Variants in ZNF253 observed in about 807,000 individuals in gnomAD.
The protein encoded by ZNF253 is DNA-binding protein.
In ZNF253, 8 loss-of-function variants were observed where a neutral mutation model predicts 11.9. The observed-to-expected ratio is 0.67, with a 90% CI of 0.40 to 1.22. ZNF253 has a LOEUF of 1.22. Ranked by LOEUF, ZNF253 falls within the 50% of genes most tolerant of loss-of-function variation. ZNF253 has a pLI of 0.01. For missense variants in ZNF253, 485 were observed against 586.9 expected, an observed-to-expected ratio of 0.83 and a Z score of 1.79; for synonymous variants, 194 against 194.9, an observed-to-expected ratio of 1.00 and a Z score of 0.04.
intron 2 of ZNF253, among the ~76,000 whole-genome samples, chr19:19,878,978 C>A (rs1221531229): frequency 6.6e-6 from 1 of 151,982 alleles, no homozygotes; most frequent in Admixed American, 6.6e-5. Flanking sequence ...ACTGTATGCC[C>A]ACAAATACTA....
At chr19:19,867,110 G>C (rs1410105384) in intron 1 of ZNF253, among the ~76,000 whole-genome samples, 1 of 152,178 alleles carries the variant, frequency 6.6e-6, no homozygotes, top group Non-Finnish European at 1.5e-5. Context: ...GGAGGTCGAG[G>C]TGGATGGATC....
intron 3 of ZNF253, 106 bp from the exon 4 acceptor site, chr19:19,891,368 A>G: frequency 2.2e-6 from 2 of 922,360 alleles, no homozygotes; most frequent in Non-Finnish European, 3.2e-6. Flanking sequence ...GTATTTTGCT[A>G]TGTCATCTTG....
At chr19:19,890,343 C>T (rs549564084) in intron 3 of ZNF253, among the ~76,000 whole-genome samples, 1 of 152,282 alleles carries the variant, frequency 6.6e-6, no homozygotes, top group East Asian at 1.9e-4. Context: ...TCAGCAGACT[C>T]AAACTGTCAT....
At chr19:19,866,294 C>T (rs2063110661) in intron 1 of ZNF253, among the ~76,000 whole-genome samples, 1 of 152,168 alleles carries the variant, frequency 6.6e-6, no homozygotes, top group Non-Finnish European at 1.5e-5. Context: ...AGGGGAGAAT[C>T]CTGACTCGGT....
chr19:19,892,395 T>C lies in ZNF253; in HGVS notation c.1148T>C (p.Leu383Pro). 1 of 1,613,882 alleles carries C rather than the reference T, an allele frequency of 6.2e-7. No individual in the cohort carries two copies. The highest frequency in any genetic ancestry group is 8.5e-7 in the Non-Finnish European group (1 of 1,179,944). Residue 383 changes from leucine (L) to proline (P), a missense_variant, in exon 4 of 4, where the codon CTT becomes CCT. Transcript: ENST00000589717. Reference protein sequence around the residue: ...CGKAFNHSTTLFSHEKIHTGE... With the variant: ...CGKAFNHSTTPFSHEKIHTGE... ...AAAGCTTTTAACCATTCCACAACCCTTTTTTCACATGAGAAAATTCATACT... is the reference window on the plus strand; with the variant it reads ...AAAGCTTTTAACCATTCCACAACCCCTTTTTCACATGAGAAAATTCATACT...
intron 1 of ZNF253, among the ~76,000 whole-genome samples, chr19:19,869,816 T>C (rs966111750): frequency 6.6e-6 from 1 of 151,664 alleles, no homozygotes; most frequent in Non-Finnish European, 1.5e-5. Flanking sequence ...AATACAGGCA[T>C]GCACCACCAT....
At position 19,891,497 on chromosome 19, in the gene ZNF253, G is replaced by C; in HGVS notation, c.250G>C (p.Asp84His). The C allele has an allele frequency of 1.9e-6, 3 of 1,595,548 alleles. No individual in the cohort carries two copies. The highest frequency in any genetic ancestry group is 1.1e-5 in the South Asian group (1 of 88,922). ...PPVMSSHFAQ[D>H]LWPENIQNSF... The stretch of plus-strand genomic sequence containing the variant: ...AGTTATGAGTTCTCATTTTGCCCAA[G>C]ACCTTTGGCCAGAGAACATACAAAA... The change falls in exon 4 of 4, where the codon GAC becomes CAC. Residue 84 changes from aspartate to histidine, a missense_variant. By Grantham distance (81) the Asp-to-His change is moderately conservative (BLOSUM62 -1). Transcript: ENST00000589717.
At chr19:19,873,224 A>G (rs2063141997) in intron 1 of ZNF253, among the ~76,000 whole-genome samples, 1 of 149,216 alleles carries the variant, frequency 6.7e-6, no homozygotes, top group South Asian at 2.1e-4. Flanking sequence ...CAAAGTATCC[A>G]GAGCCATGAC....
intron 3 of ZNF253, among the ~76,000 whole-genome samples, chr19:19,885,225 TTCTTTCTTTC>T (rs2063194237): frequency 2.6e-5 from 1 of 38,118 alleles, no homozygotes. Flanking sequence ...TATTCTTTCT[TTCTTTCTTTC>T]TTTCTTTCTT....
intron 1 of ZNF253, among the ~76,000 whole-genome samples, chr19:19,866,332 C>G (rs1231253725): frequency 6.6e-6 from 1 of 152,134 alleles, no homozygotes; most frequent in East Asian, 1.9e-4. Flanking sequence ...ATGGGAAGAG[C>G]TTTGGTCCGT....
Position 19,872,561 on chromosome 19 carries a change from C to CTATATATA in ZNF253, c.4-5908_4-5901dup, listed in dbSNP as rs58650123. On this transcript the variant is annotated intron_variant, in intron 1 of 3. Coordinates refer to ENST00000589717, the MANE Select transcript of ZNF253 (RefSeq NM_021047.3). ...CTATATCCCATACCCTAAACCATAA[C>CTATATATA]TATATATATATATATATATTATTAT... is the stretch of plus-strand genomic sequence containing the variant. 1.7e-3 allele frequency among the ~76,000 whole-genome samples: 212 copies of CTATATATA among 121,946 alleles called. 9 individuals carry two copies. The highest frequency in any genetic ancestry group is 8.5e-3 in the African/African-American group (202 of 23,832). The allele number at this position is 121,946 out of a possible 152,430, so 80.0% of individuals were successfully genotyped here.
intron 1 of ZNF253, among the ~76,000 whole-genome samples, chr19:19,872,581 T>TA (rs1568494460): frequency 1.2e-5 from 1 of 80,916 alleles, no homozygotes; most frequent in East Asian, 4.8e-4. Flanking sequence ...ATATATATAT[T>TA]ATTATATATA....
chr19:19,875,762 A>G (rs2063152905), intron 1 of ZNF253, among the ~76,000 whole-genome samples: 1 of 152,148 alleles, frequency 6.6e-6, no homozygotes, highest in Non-Finnish European at 1.5e-5. Flanking sequence ...TAATTTTTTT[A>G]AAAAGTTGAT....
At position 19,885,287 on chromosome 19, in the gene ZNF253, CTTTCT is replaced by C. The variant is rs1481319913; in HGVS notation, c.226+5142_226+5146del. Among the ~76,000 whole-genome samples the C allele has an allele frequency of 1.1e-3, 41 of 37,024 alleles. 3 individuals are homozygous for C. The highest frequency in any genetic ancestry group is 5.5e-3 in the African/African-American group (21 of 3,792). 24.3% of individuals were successfully genotyped at this position (37,024 alleles called of 152,430 possible). A position where few individuals can be genotyped will look rare whatever the true frequency, so the allele number is the denominator to read the frequency against. Reference sequence around the variant, plus strand: ...TCTTTCTTTCTTTCTTTCTTTCTTTCTTTCTCTTTCTTTTCTTTCTTTCTTTCTTT... The same window carrying C: ...TCTTTCTTTCTTTCTTTCTTTCTTTCCTTTCTTTTCTTTCTTTCTTTCTTT... On this transcript the variant is annotated intron_variant, in intron 3 of 3. Coordinates refer to ENST00000589717, the MANE Select transcript of ZNF253 (RefSeq NM_021047.3).
Position 19,891,528 on chromosome 19 carries a change from TC to T in ZNF253, c.283del (p.Gln95LysfsTer2), listed in dbSNP as rs1489210081. On this transcript the variant is annotated frameshift_variant, in exon 4 of 4. Transcript: ENST00000589717. LOFTEE classifies it low-confidence loss of function (END_TRUNC). ...TGGCCAGAGAACATACAAAATTCTT[TC>T]CAAATAGGGATGCTGAGAAGATATG... Reference protein sequence around the residue: ...DLWPENIQNSFQIGMLRRYEE... With the variant: ...DLWPENIQNSXQIGMLRRYEE... 1 of 1,612,614 alleles carries T rather than the reference TC, an allele frequency of 6.2e-7. No individual in the cohort carries two copies. Among genetic ancestry groups the T allele is most frequent in the African/African-American group, 1.3e-5 (1 of 74,860 alleles).
At position 19,891,511 on chromosome 19, in the gene ZNF253, G is replaced by A. The variant is rs2063229391; in HGVS notation, c.264G>A (p.Glu88=). 11 of 1,610,178 alleles carry A rather than the reference G, an allele frequency of 6.8e-6. No individual in the cohort carries two copies. The highest frequency in any genetic ancestry group is 8.5e-6 in the Non-Finnish European group (10 of 1,178,122). ...ATTTTGCCCAAGACCTTTGGCCAGA[G>A]AACATACAAAATTCTTTCCAAATAG... ...SSHFAQDLWP[E]NIQNSFQIGM... The change falls in exon 4 of 4, where the codon GAG becomes GAA. Residue 88 remains glutamate (E), a synonymous_variant. Transcript: ENST00000589717.
At position 19,892,704 on chromosome 19, in the gene ZNF253, C is replaced by T. The variant is rs543392346; in HGVS notation, c.1457C>T (p.Thr486Ile). 4 of 1,602,408 alleles carry T rather than the reference C, an allele frequency of 2.5e-6. No homozygotes were observed. In the East Asian group the frequency reaches 8.9e-5, roughly 36 times the overall value. The change falls in exon 4 of 4, where the codon ACA becomes ATA. Residue 486 changes from threonine to isoleucine, a missense_variant. Thr to Ile is a moderately conservative substitution (Grantham distance 89). This residue lies in a region of ZNF253 where 232 missense variants were observed against 321.4 expected (regional missense o/e 0.72). Coordinates refer to ENST00000589717, the MANE Select transcript of ZNF253 (RefSeq NM_021047.3). ...ERKPYIVKNV[T>I]DLLNVPPLLI... ...AAACCCTACATAGTGAAGAATGTGA[C>T]AGATCTTTTAAATGTTCCTCCACTT... is the stretch of plus-strand genomic sequence containing the variant.
chr19:19,888,990 A>AT (rs969312083), intron 3 of ZNF253, among the ~76,000 whole-genome samples: 1 of 151,842 alleles, frequency 6.6e-6, no homozygotes, highest in Non-Finnish European at 1.5e-5. Flanking sequence ...TTCTGCAAAA[A>AT]TTTTTTTTGA....
chr19:19,875,764 A>G (rs1364243846), intron 1 of ZNF253, among the ~76,000 whole-genome samples: 2 of 152,156 alleles, frequency 1.3e-5, no homozygotes, highest in Non-Finnish European at 2.9e-5. Flanking sequence ...ATTTTTTTAA[A>G]AAGTTGATGA....
Sources: allele counts gnomAD v4.1 joint callset (sites outside exome capture counted in the v4.1 genomes callset), GRCh38; gene constraint gnomAD v4.1.1; regional missense constraint gnomAD v4.1.1; transcripts MANE v1.5; gene names NCBI Gene and HGNC (gene_info 2026-07-23, HGNC 2026-07-21).